Variants in PCDHA5 observed in about 807,000 individuals in gnomAD.
PCDHA5 encodes protocadherin alpha-5.
PCDHA5 carries 43 observed loss-of-function variants against 61.6 expected under a neutral mutation model. The observed-to-expected ratio is 0.70, with a 90% CI of 0.55 to 0.90. PCDHA5 has a LOEUF of 0.90. PCDHA5 is among the 40% of genes least tolerant of loss of function. The probability of loss-of-function intolerance (pLI) is 0.00; values close to 1 mark genes in which losing one functional copy is unlikely to be tolerated. For synonymous variants in PCDHA5, 627 were observed against 543.9 expected (o/e 1.15, Z -2.13); for missense variants, 1,298 against 1,222.7 (o/e 1.06, Z -0.92).
intron 1 of PCDHA5, among the ~76,000 whole-genome samples, chr5:140,900,319 C>T (rs1032725241): frequency 3.3e-5 from 5 of 152,046 alleles, no homozygotes; most frequent in Non-Finnish European, 7.3e-5. Flanking sequence ...CTTTTGTCGC[C>T]CAGGCTGGAG....
chr5:140,870,550 G>C (rs371515299), intron 1 of PCDHA5: 2 of 1,614,066 alleles, frequency 1.2e-6, no homozygotes, highest in South Asian at 2.2e-5. Flanking sequence ...GGACGCGGAC[G>C]CGCAGGAGAA....
At chr5:141,001,702 G>C (rs2098033163) in intron 3 of PCDHA5, among the ~76,000 whole-genome samples, 1 of 152,194 alleles carries the variant, frequency 6.6e-6, no homozygotes, top group Non-Finnish European at 1.5e-5. Flanking sequence ...GGCGAAATAG[G>C]GGGCGGGGAA....
At chr5:140,850,765 G>A (rs2150497510) in intron 1 of PCDHA5, 1 of 1,598,120 alleles carries the variant, frequency 6.3e-7, no homozygotes, top group Admixed American at 1.7e-5. Flanking sequence ...AGGAGGCAGA[G>A]GGTGTGCTCT....
At chr5:140,857,658 G>A (rs17844344) in intron 1 of PCDHA5, 3 of 1,596,790 alleles carry the variant, frequency 1.9e-6, no homozygotes, top group East Asian at 2.2e-5. Context: ...GTGAGCGCGC[G>A]CGATGGGGGC....
chr5:140,840,414 T>C (rs1377292591), intron 1 of PCDHA5, among the ~76,000 whole-genome samples: 1 of 151,872 alleles, frequency 6.6e-6, no homozygotes, highest in Non-Finnish European at 1.5e-5. Flanking sequence ...ATACTTCAAA[T>C]AATAGGCTAG....
rs2150473492 is a variant in PCDHA5 at position 140,850,211 on chromosome 5, C to T, written c.2352+26084C>T. 11 of 1,593,428 alleles carry T rather than the reference C, an allele frequency of 6.9e-6. 1 individual carries two copies. Among genetic ancestry groups the T allele is most frequent in the Non-Finnish European group, 9.4e-6 (11 of 1,167,634 alleles). ...CGCTGCTGACACCTCGGATGAGGGG[C>T]ACTGACGGCGCAGTGAGCGAGATGG... On this transcript the variant is annotated intron_variant, in intron 1 of 3. Coordinates refer to ENST00000529859, the MANE Select transcript of PCDHA5 (RefSeq NM_018908.3).
intron 1 of PCDHA5, among the ~76,000 whole-genome samples, chr5:140,948,380 C>T (rs1554218531): frequency 2.6e-5 from 4 of 151,612 alleles, no homozygotes; most frequent in African/African-American, 4.8e-5. Flanking sequence ...GTTCCTTCCT[C>T]TATTTTCTGA....
chr5:141,004,178 T>G (rs527276653), intron 3 of PCDHA5, among the ~76,000 whole-genome samples: 2 of 152,372 alleles, frequency 1.3e-5, no homozygotes, highest in South Asian at 2.1e-4. Flanking sequence ...CCAAGTGTCT[T>G]GAGTGCTCTT....
At chr5:140,888,624 C>T (rs2061910720) in intron 1 of PCDHA5, among the ~76,000 whole-genome samples, 1 of 152,198 alleles carries the variant, frequency 6.6e-6, no homozygotes, top group Non-Finnish European at 1.5e-5. Flanking sequence ...CTAATTCGGC[C>T]TTCTATTACA....
At chr5:140,897,566 A>C (rs1461105293) in intron 1 of PCDHA5, among the ~76,000 whole-genome samples, 1 of 151,760 alleles carries the variant, frequency 6.6e-6, no homozygotes, top group Non-Finnish European at 1.5e-5. Flanking sequence ...TATGTGCCAC[A>C]TTTTCTTAAT....
intron 1 of PCDHA5, chr5:140,828,310 C>A (rs2150153849): frequency 1.9e-5 from 31 of 1,614,056 alleles, no homozygotes; most frequent in South Asian, 6.6e-5. Flanking sequence ...ACCGCGAGGA[C>A]CTTCTGGAGG....
At chr5:140,914,778 T>G (rs942539067) in intron 1 of PCDHA5, among the ~76,000 whole-genome samples, 1 of 152,138 alleles carries the variant, frequency 6.6e-6, no homozygotes, top group African/African-American at 2.4e-5. Flanking sequence ...ATGACTTATC[T>G]TATGACCCAT....
At position 140,978,795 on chromosome 5, in the gene PCDHA5, G is replaced by A. The variant is rs1437973642; in HGVS notation, c.2353-154G>A. 3 of 979,120 alleles carry A rather than the reference G, an allele frequency of 3.1e-6. No individual in the cohort carries two copies. The African/African-American group carries it at 5.3e-5, about 17-fold the overall frequency. The allele number at this position is 979,120 out of a possible 1,614,324, so 60.7% of individuals were successfully genotyped here. On this transcript the variant is annotated intron_variant, in intron 1 of 3. Coordinates refer to ENST00000529859, the MANE Select transcript of PCDHA5 (RefSeq NM_018908.3). ...AATTTTCTTCTAAAGTGCTATATAT[G>A]TAGATATCATCATAGAGTTACACAT...
rs79307553 is a variant in PCDHA5, at chr5:140,974,500, T to G, written c.2353-4449T>G. ...ACCCAGAATTCTCAAATGTATTACC[T>G]TTGTGTTTTATTTTATTTTAGTTTT... is the stretch of plus-strand genomic sequence containing the variant. On this transcript the variant is annotated intron_variant, in intron 1 of 3. Transcript: ENST00000529859. 8.7e-3 allele frequency among the ~76,000 whole-genome samples: 1,326 copies of G among 152,308 alleles called. 23 individuals carry two copies. Among genetic ancestry groups the G allele is most frequent in the African/African-American group, 0.03 (1,239 of 41,564 alleles).
At chr5:140,978,887 A>C (rs1367734690) in intron 1 of PCDHA5, 62 bp from the exon 2 acceptor site, 14 of 1,611,648 alleles carry the variant, frequency 8.7e-6, no homozygotes, top group Admixed American at 1.7e-5. Flanking sequence ...ATCAATTAGC[A>C]GCATTCCTGG....
chr5:140,974,057 G>A (rs1302269611), intron 1 of PCDHA5, among the ~76,000 whole-genome samples: 1 of 152,154 alleles, frequency 6.6e-6, no homozygotes, highest in Non-Finnish European at 1.5e-5. Flanking sequence ...ATAATATTTG[G>A]AGCAGTATAA....
At chr5:140,841,430 G>A in intron 1 of PCDHA5, 1 of 1,612,964 alleles carries the variant, frequency 6.2e-7, no homozygotes, top group Non-Finnish European at 8.5e-7. Flanking sequence ...CTCCGTCCCC[G>A]AGGAGGCCAA....
intron 1 of PCDHA5, among the ~76,000 whole-genome samples, chr5:140,906,513 G>A (rs1398874448): frequency 1.3e-5 from 2 of 152,176 alleles, no homozygotes; most frequent in Non-Finnish European, 2.9e-5. Context: ...AAAGAAGGAG[G>A]AAATACTCAC....
intron 1 of PCDHA5, chr5:140,828,487 G>A: frequency 6.2e-7 from 1 of 1,614,226 alleles, no homozygotes; most frequent in Non-Finnish European, 8.5e-7. Flanking sequence ...ACCCGCCCTT[G>A]TTCCCGGTAG....
Sources: allele counts gnomAD v4.1 joint callset (sites outside exome capture counted in the v4.1 genomes callset), GRCh38; gene constraint gnomAD v4.1.1; transcripts MANE v1.5; gene names NCBI Gene and HGNC (gene_info 2026-07-23, HGNC 2026-07-21).